CSMD1: variants seen among roughly 807,000 people sequenced by gnomAD.
CSMD1 encodes the protein CUB and Sushi multiple domains 1, also known as CUB and sushi domain-containing protein 1.
CSMD1 carries 213 observed loss-of-function variants against 417.5 expected under a neutral mutation model. The observed-to-expected ratio is 0.51, with a 90% confidence interval of 0.46 to 0.57. The LOEUF (loss-of-function observed/expected upper bound fraction) is 0.57, where lower values mean the gene tolerates loss of function less well. Ranked by LOEUF, CSMD1 falls within the 20% of genes least tolerant of loss-of-function variation. CSMD1 has a pLI of 0.00. For synonymous variants in CSMD1, 2,862 were observed against 1,736.8 expected (o/e 1.65, Z -16.11); for missense variants, 6,923 against 4,529.7 (o/e 1.53, Z -15.17).
chr8:4,453,035 G>T (rs556987936), intron 2 of CSMD1, among the ~76,000 whole-genome samples: 3 of 152,130 alleles, frequency 2.0e-5, no homozygotes, highest in Non-Finnish European at 2.9e-5. Context: ...GGACAACTTA[G>T]ATTTTCAAGC....
intron 3 of CSMD1, among the ~76,000 whole-genome samples, chr8:4,083,700 T>G (rs1800266507): frequency 1.3e-5 from 2 of 152,236 alleles, no homozygotes; most frequent in South Asian, 2.1e-4. Context: ...TCAAGATGGA[T>G]TAAAGACTTA....
chr8:4,792,145 TTCCTTCC>T (rs1222858807), intron 1 of CSMD1, among the ~76,000 whole-genome samples: 1 of 152,180 alleles, frequency 6.6e-6, no homozygotes, highest in Non-Finnish European at 1.5e-5. Context: ...ATTTTATTCT[TTCCTTCC>T]TCCTTCCTAT....
At chr8:4,759,362 G>T (rs1157897616) in intron 1 of CSMD1, among the ~76,000 whole-genome samples, 1 of 152,204 alleles carries the variant, frequency 6.6e-6, no homozygotes, top group Non-Finnish European at 1.5e-5. Flanking sequence ...GCAGTGGACA[G>T]GGCCAGCATG....
chr8:4,378,426 A>G (rs1366624725), intron 3 of CSMD1, among the ~76,000 whole-genome samples: 14 of 152,166 alleles, frequency 9.2e-5, no homozygotes, highest in Non-Finnish European at 1.5e-4. Flanking sequence ...CATGATATCA[A>G]TTGTAAAAAT....
chr8:3,903,666 C>T (rs1807916236), intron 5 of CSMD1, among the ~76,000 whole-genome samples: 2 of 152,046 alleles, frequency 1.3e-5, no homozygotes, highest in African/African-American at 2.4e-5. Flanking sequence ...TACAAATTGA[C>T]CCTGGCTGTC....
At chr8:3,520,043 C>CACTT (rs1797442893) in intron 10 of CSMD1, among the ~76,000 whole-genome samples, 1 of 106,038 alleles carries the variant, frequency 9.4e-6, no homozygotes, top group African/African-American at 5.0e-5. Flanking sequence ...TATATATACA[C>CACTT]GTATAGTTGT....
At chr8:3,061,248 T>C (rs900065863) in intron 49 of CSMD1, among the ~76,000 whole-genome samples, 2 of 152,012 alleles carry the variant, frequency 1.3e-5, no homozygotes, top group Non-Finnish European at 1.5e-5. Context: ...AGATGTACAG[T>C]TTACAAAGCA....
intron 1 of CSMD1, among the ~76,000 whole-genome samples, chr8:4,673,709 G>T (rs575463896): frequency 6.6e-6 from 1 of 152,180 alleles, no homozygotes; most frequent in South Asian, 2.1e-4. Flanking sequence ...ACCCACAGCT[G>T]GTCAATTAAA....
intron 6 of CSMD1, among the ~76,000 whole-genome samples, chr8:3,726,041 A>G (rs1262462743): frequency 2.0e-5 from 3 of 152,120 alleles, no homozygotes; most frequent in African/African-American, 7.2e-5. Context: ...TTGAAGAATT[A>G]TGCAGCTCTC....
At chr8:3,063,326 C>CGATAGCAAAA (rs1812712244) in intron 49 of CSMD1, among the ~76,000 whole-genome samples, 1 of 152,002 alleles carries the variant, frequency 6.6e-6, no homozygotes, top group African/African-American at 2.4e-5. Context: ...AGAATAAAAA[C>CGATAGCAAAA]GATAGCAAAA....
intron 2 of CSMD1, among the ~76,000 whole-genome samples, chr8:4,436,463 T>C (rs1478336198): frequency 1.3e-5 from 2 of 151,702 alleles, no homozygotes; most frequent in African/African-American, 4.9e-5. Context: ...GATTCAGAAA[T>C]GCAATGCATA....
chr8:4,053,000 G>C (rs1345887528), intron 3 of CSMD1, among the ~76,000 whole-genome samples: 1 of 152,146 alleles, frequency 6.6e-6, no homozygotes, highest in African/African-American at 2.4e-5. Flanking sequence ...AGCTAAAGAA[G>C]TGGCCTTATA....
At chr8:3,072,629 T>G (rs1813396802) in intron 49 of CSMD1, among the ~76,000 whole-genome samples, 1 of 152,180 alleles carries the variant, frequency 6.6e-6, no homozygotes. Flanking sequence ...GATGTTTCAT[T>G]TGTGGGCCTC....
At chr8:3,913,204 T>A (rs1365766571) in intron 5 of CSMD1, among the ~76,000 whole-genome samples, 1 of 151,748 alleles carries the variant, frequency 6.6e-6, no homozygotes, top group East Asian at 1.9e-4. Flanking sequence ...TGGTTGGAGG[T>A]CAGAACAGAT....
intron 6 of CSMD1, among the ~76,000 whole-genome samples, chr8:3,725,295 C>G (rs563948509): frequency 6.6e-6 from 1 of 152,160 alleles, no homozygotes; most frequent in Non-Finnish European, 1.5e-5. Context: ...CCATGAAGAC[C>G]TGGACAAGTG....
intron 25 of CSMD1, among the ~76,000 whole-genome samples, chr8:3,305,154 G>T (rs747316817): frequency 2.6e-5 from 4 of 152,062 alleles, no homozygotes; most frequent in African/African-American, 9.7e-5. Context: ...GAAAGTGCTG[G>T]GATGACAGGT....
chr8:3,981,699 C>T (rs946818727), intron 5 of CSMD1, among the ~76,000 whole-genome samples: 2 of 152,018 alleles, frequency 1.3e-5, no homozygotes, highest in East Asian at 3.9e-4. Flanking sequence ...CAAAGAAAGG[C>T]TCTTTTGTAT....
At chr8:4,821,202 G>A (rs1367994845) in intron 1 of CSMD1, among the ~76,000 whole-genome samples, 4 of 152,254 alleles carry the variant, frequency 2.6e-5, no homozygotes, top group African/African-American at 9.6e-5. Context: ...TTCAGGTCAC[G>A]TCATGGAAGG....
At chr8:3,715,634 C>T (rs1315136872) in intron 6 of CSMD1, among the ~76,000 whole-genome samples, 1 of 152,168 alleles carries the variant, frequency 6.6e-6, no homozygotes, top group East Asian at 1.9e-4. Context: ...CCTCCACCTC[C>T]CGGGTTCAAG....
Sources: allele counts gnomAD v4.1 joint callset (sites outside exome capture counted in the v4.1 genomes callset), GRCh38; gene constraint gnomAD v4.1.1; transcripts MANE v1.5; gene names NCBI Gene and HGNC (gene_info 2026-07-23, HGNC 2026-07-21).